Variants in CNMD observed in about 807,000 individuals in gnomAD.
CNMD encodes the protein leukocyte cell-derived chemotaxin 1.
CNMD carries 30 observed loss-of-function variants against 37.5 expected under a neutral mutation model. That is an observed-to-expected ratio of 0.80 (90% CI 0.60 to 1.09). CNMD has a LOEUF of 1.09. Among genes scored for constraint, CNMD ranks in the 50% least tolerant of loss-of-function variants. CNMD has a pLI of 0.00. For missense variants in CNMD, 398 were observed against 423.9 expected (o/e 0.94, Z 0.54); for synonymous variants, 167 against 148.2 (o/e 1.13, Z -0.92).
At chr13:52,706,407 T>C (rs1007195667) in intron 6 of CNMD, among the ~76,000 whole-genome samples, 1 of 152,202 alleles carries the variant, frequency 6.6e-6, no homozygotes, top group Non-Finnish European at 1.5e-5. Flanking sequence ...TAATAGCTAA[T>C]ATTGAGAAAG....
rs190173138 is a variant in CNMD at position 52,709,900 on chromosome 13, G to A, written c.623-1198C>T. Among the ~76,000 whole-genome samples, 92 of 152,304 alleles carry A rather than the reference G, an allele frequency of 6.0e-4. No homozygotes were observed. The East Asian group carries it at 0.016, about 26-fold the overall frequency. On this transcript the variant is annotated intron_variant, in intron 5 of 6. Coordinates refer to ENST00000377962, the MANE Select transcript of CNMD (RefSeq NM_007015.3). Reference sequence around the variant, plus strand: ...AGACAGGAGAATCGCTTGAACCTGGGAGGCAGAGGCTGCAGTGAGCCGAGA... The same window carrying A: ...AGACAGGAGAATCGCTTGAACCTGGAAGGCAGAGGCTGCAGTGAGCCGAGA...
At chr13:52,730,224 G>A (rs1370577319) in intron 3 of CNMD, among the ~76,000 whole-genome samples, 6 of 151,904 alleles carry the variant, frequency 3.9e-5, no homozygotes, top group Non-Finnish European at 7.4e-5. Context: ...GTCTATCATT[G>A]TTGGACATTT....
At chr13:52,708,355 G>GT (rs1259562034) in intron 6 of CNMD, among the ~76,000 whole-genome samples, 181 bp downstream of exon 6, 1 of 151,844 alleles carries the variant, frequency 6.6e-6, no homozygotes, top group Non-Finnish European at 1.5e-5. Context: ...CTAATTTTTT[G>GT]TATCTTTAGT....
At position 52,703,800 on chromosome 13, in the gene CNMD, C is replaced by T. The variant is rs748761787; in HGVS notation, c.800G>A (p.Gly267Glu). Residue 267 changes from glycine to glutamate, a missense_variant, in exon 7 of 7, where the codon GGG (glycine) becomes GAG (glutamate). By Grantham distance (98) the Gly-to-Glu change is moderately conservative. Transcript: ENST00000377962. ...TCTAGGGTCGAATGTCATGCTTTCCCCTTCCTGCTGCTGTGAAATAAAAGA... is the reference window on the plus strand; with the variant it reads ...TCTAGGGTCGAATGTCATGCTTTCCTCTTCCTGCTGCTGTGAAATAAAAGA... The part of the protein sequence containing the change: ...NPDNPYHQQE[G>E]ESMTFDPRLD... 6.2e-7 allele frequency: 1 copy of T among 1,608,478 alleles called. No homozygotes were observed. The highest frequency in any genetic ancestry group is 1.1e-5 in the South Asian group (1 of 90,988).
At chr13:52,736,181 AG>A (rs1964759295) in intron 2 of CNMD, among the ~76,000 whole-genome samples, 1 of 152,094 alleles carries the variant, frequency 6.6e-6, no homozygotes, top group Non-Finnish European at 1.5e-5. Context: ...TTTTTAGTAG[AG>A]ACAGGGTTTC....
chr13:52,704,572 T>C (rs796505406), intron 6 of CNMD, among the ~76,000 whole-genome samples: 15 of 152,244 alleles, frequency 9.9e-5, no homozygotes, highest in African/African-American at 3.4e-4. Flanking sequence ...GGTTTACATA[T>C]TTGGTTTTCC....
At position 52,708,696 on chromosome 13, in the gene CNMD, T is replaced by C. The variant is rs748243100; in HGVS notation, c.629A>G (p.Gln210Arg). 11 of 1,594,426 alleles carry C rather than the reference T, an allele frequency of 6.9e-6. No individual in the cohort carries two copies. The highest frequency in any genetic ancestry group is 8.5e-6 in the Non-Finnish European group (10 of 1,174,314). Residue 210 changes from glutamine (Q) to arginine (R), a missense_variant, in exon 6 of 7, where the codon CAG becomes CGG. Gln to Arg is a conservative substitution (Grantham distance 43, BLOSUM62 1). Coordinates refer to ENST00000377962, the MANE Select transcript of CNMD (RefSeq NM_007015.3). ...TCTTACCACTTCTCTTCTTTCCCTC[T>C]GGATTTCTGCAAAAATTTCTGTAAA... is the stretch of plus-strand genomic sequence containing the variant. ...WLKPTYPKEI[Q>R]RERREVVRKI...
At chr13:52,726,180 G>T (rs1244643248) in intron 3 of CNMD, among the ~76,000 whole-genome samples, 1 of 152,200 alleles carries the variant, frequency 6.6e-6, no homozygotes, top group African/African-American at 2.4e-5. Flanking sequence ...ACAGACGCCT[G>T]GGTCCCTTCC....
At chr13:52,738,920 GCCCGA>G in intron 2 of CNMD, 106 bp downstream of exon 2, 1 of 1,037,556 alleles carries the variant, frequency 9.6e-7, no homozygotes, top group Non-Finnish European at 1.3e-6. Context: ...CTCACGCTGG[GCCCGA>G]GGGGCCCGCC....
At chr13:52,733,598 C>G in intron 2 of CNMD, 1 of 575,978 alleles carries the variant, frequency 1.7e-6, no homozygotes, top group Non-Finnish European at 3.2e-6. Flanking sequence ...ATTCCAATAG[C>G]TCCATAATTT....
intron 2 of CNMD, among the ~76,000 whole-genome samples, chr13:52,736,426 G>T (rs530231340): frequency 7.9e-5 from 12 of 152,290 alleles, no homozygotes; most frequent in Non-Finnish European, 1.8e-4. Flanking sequence ...ACCACGCCTG[G>T]CCTGCAGCCC....
chr13:52,703,641 A>C lies in CNMD; in HGVS notation c.959T>G (p.Ile320Ser), dbSNP rs770828040. ...YQGCRSACRV[I>S]MPCSWWVARI... ...GGCCACCCACCAGCTACATGGCATG[A>C]TGACTCTGCAGGCCGAACGGCAGCC... is the stretch of plus-strand genomic sequence containing the variant. Residue 320 changes from isoleucine to serine, a missense_variant, in exon 7 of 7, where the codon ATC (isoleucine) becomes AGC (serine). Coordinates refer to ENST00000377962, the MANE Select transcript of CNMD (RefSeq NM_007015.3). 6.2e-7 allele frequency: 1 copy of C among 1,613,984 alleles called. No individual in the cohort carries two copies. The highest frequency in any genetic ancestry group is 1.3e-5 in the African/African-American group (1 of 75,058).
At chr13:52,736,567 G>A (rs954457623) in intron 2 of CNMD, among the ~76,000 whole-genome samples, 4 of 152,200 alleles carry the variant, frequency 2.6e-5, no homozygotes, top group Admixed American at 1.3e-4. Context: ...AGCTGGGGAC[G>A]AGGCTGGGCT....
chr13:52,713,207 C>T (rs113485246), intron 4 of CNMD, among the ~76,000 whole-genome samples: 3 of 152,122 alleles, frequency 2.0e-5, no homozygotes, highest in Admixed American at 2.0e-4. Context: ...AGCAATTGAA[C>T]GAACCCTGGA....
At chr13:52,732,850 GT>G (rs1310852128) in intron 3 of CNMD, among the ~76,000 whole-genome samples, 2 of 152,128 alleles carry the variant, frequency 1.3e-5, no homozygotes, top group African/African-American at 2.4e-5. Context: ...TGGTATTGTG[GT>G]TTTTTTCTTC....
chr13:52,729,846 T>G (rs959352968), intron 3 of CNMD, among the ~76,000 whole-genome samples: 15 of 152,180 alleles, frequency 9.9e-5, no homozygotes, highest in Admixed American at 8.5e-4. Context: ...ATTATTATTA[T>G]ACTTTAAGTT....
Position 52,739,317 on chromosome 13 carries a change from T to C in CNMD, c.73-146A>G, listed in dbSNP as rs904912672. The C allele has an allele frequency of 5.2e-6, 5 of 962,558 alleles. No individual in the cohort carries two copies. In the African/African-American group the frequency reaches 8.7e-5, roughly 17 times the overall value. The allele number at this position is 962,558 out of a possible 1,614,324, so 59.6% of individuals were successfully genotyped here. A position where few individuals can be genotyped will look rare whatever the true frequency, so the allele number is the denominator to read the frequency against. ...GCCCGGGCTCCTACGGGTGCCCCTT[T>C]CGCCGCGCTCCCTCCCGAGGGTCCT... On this transcript the variant is annotated intron_variant, in intron 1 of 6. Coordinates refer to ENST00000377962, the MANE Select transcript of CNMD (RefSeq NM_007015.3). The surrounding 1 kb of genome is among the most constrained non-coding windows in gnomAD (Gnocchi z 5.4).
At chr13:52,706,693 A>G (rs145487110) in intron 6 of CNMD, among the ~76,000 whole-genome samples, 3 of 151,492 alleles carry the variant, frequency 2.0e-5, no homozygotes, top group African/African-American at 4.9e-5. Context: ...GTAACTGGAA[A>G]GAAAGCAAGG....
At chr13:52,738,775 G>C in intron 2 of CNMD, among the ~76,000 whole-genome samples, 1 of 152,162 alleles carries the variant, frequency 6.6e-6, no homozygotes, top group East Asian at 1.9e-4. Flanking sequence ...AGCCGAGAAC[G>C]GCCTTTCTCG....
Sources: allele counts gnomAD v4.1 joint callset (sites outside exome capture counted in the v4.1 genomes callset), GRCh38; gene constraint gnomAD v4.1.1; non-coding constraint Gnocchi (gnomAD v3.1); transcripts MANE v1.5; gene names NCBI Gene and HGNC (gene_info 2026-07-23, HGNC 2026-07-21).